FAM162A: variants seen among roughly 807,000 people sequenced by gnomAD.
FAM162A encodes the protein family with sequence similarity 162 member A.
A neutral mutation model predicts 21.8 loss-of-function variants in FAM162A; 23 were observed. The ratio of observed to expected loss-of-function variants is 1.05; its 90% CI spans 0.76 to 1.49. The LOEUF (loss-of-function observed/expected upper bound fraction) is 1.49. Ranked by LOEUF, FAM162A falls within the 40% of genes most tolerant of loss-of-function variation. The pLI, the probability that FAM162A is intolerant of heterozygous loss-of-function variation, is 0.00. For synonymous variants in FAM162A, 53 were observed against 61.3 expected (o/e 0.86, Z 0.64); for missense variants, 165 against 186.4 (o/e 0.89, Z 0.67).
At chr3:122,396,691 C>T (rs2107697791) in intron 1 of FAM162A, among the ~76,000 whole-genome samples, 1 of 152,206 alleles carries the variant, frequency 6.6e-6, no homozygotes, top group African/African-American at 2.4e-5. Flanking sequence ...ATGTTTATAA[C>T]AGTATTATTC....
intron 4 of FAM162A, chr3:122,407,712 C>T: frequency 2.5e-6 from 1 of 395,570 alleles, no homozygotes; most frequent in South Asian, 5.9e-5. Context: ...TCACCCACTG[C>T]ATATTTCCAG....
Position 122,410,182 on chromosome 3 carries a change from G to A in FAM162A, c.*351G>A, listed in dbSNP as rs772762318. 17 of 350,900 alleles carry A rather than the reference G, an allele frequency of 4.8e-5. 1 individual carries two copies. The highest frequency in any genetic ancestry group is 9.4e-5 in the Non-Finnish European group (17 of 181,740). The allele number at this position is 350,900 out of a possible 1,614,324, so 21.7% of individuals were successfully genotyped here. On this transcript the variant is annotated 3_prime_UTR_variant, in exon 5 of 5. Coordinates refer to ENST00000477892, the MANE Select transcript of FAM162A (RefSeq NM_014367.4). ...GAACTCATTTTGAGGAGATAAGGAA[G>A]GCCAGTTGAGTATATGGCCCAGGTG...
chr3:122,409,160 G>A (rs138764274), intron 4 of FAM162A, among the ~76,000 whole-genome samples: 16 of 152,146 alleles, frequency 1.1e-4, no homozygotes, highest in Middle Eastern at 3.4e-3. Flanking sequence ...AAATCTGACC[G>A]TTTACATGGA....
At chr3:122,398,104 G>A (rs539077108) in intron 1 of FAM162A, among the ~76,000 whole-genome samples, 8 of 152,316 alleles carry the variant, frequency 5.3e-5, no homozygotes, top group East Asian at 3.9e-4. Flanking sequence ...AAAATGCAAC[G>A]TAAGGAAGTG....
At chr3:122,404,945 G>A (rs374724494) in intron 3 of FAM162A, among the ~76,000 whole-genome samples, 60 of 152,284 alleles carry the variant, frequency 3.9e-4, no homozygotes, top group African/African-American at 1.3e-3. Context: ...GCAGGGGGGT[G>A]TCCTATTTGT....
intron 1 of FAM162A, among the ~76,000 whole-genome samples, chr3:122,389,545 A>G (rs1199649902): frequency 2.0e-5 from 3 of 152,224 alleles, no homozygotes; most frequent in African/African-American, 7.2e-5. Flanking sequence ...TATGTAGAGA[A>G]CTGTTCATTG....
intron 3 of FAM162A, 42 bp from the exon 4 acceptor site, chr3:122,407,239 A>AGCAACTTCAG: frequency 6.4e-7 from 1 of 1,553,576 alleles, no homozygotes; most frequent in South Asian, 1.1e-5. Flanking sequence ...TCAGAAAGGG[A>AGCAACTTCAG]AAAGTTAATA....
chr3:122,384,348 T>C lies in FAM162A; in HGVS notation c.34+49T>C, dbSNP rs764292151. On this transcript the variant is annotated intron_variant, in intron 1 of 4. Transcript: ENST00000477892. The stretch of plus-strand genomic sequence containing the variant: ...GAGGTAGGGGAGCTGGCCCGGCCGC[T>C]GCGGGTGGGGGAATCCTGAAGCCTT... 6 of 1,554,630 alleles carry C rather than the reference T, an allele frequency of 3.9e-6. No homozygotes were observed. The African/African-American group carries it at 6.8e-5, about 18-fold the overall frequency.
chr3:122,385,735 C>T (rs1250382522), intron 1 of FAM162A, among the ~76,000 whole-genome samples: 4 of 152,184 alleles, frequency 2.6e-5, no homozygotes, highest in African/African-American at 4.8e-5. Flanking sequence ...ATTTATTTTA[C>T]TTCAGATATA....
chr3:122,407,018 TCTTGA>T (rs1352878357), intron 3 of FAM162A, among the ~76,000 whole-genome samples: 1 of 151,716 alleles, frequency 6.6e-6, no homozygotes, highest in African/African-American at 2.4e-5. Flanking sequence ...TTGGCTTTGT[TCTTGA>T]CTTCTCTTTT....
chr3:122,384,379 G>A, intron 1 of FAM162A, 80 bp downstream of exon 1: 6 of 1,485,256 alleles, frequency 4.0e-6, no homozygotes, highest in African/African-American at 1.4e-5. Flanking sequence ...GCCTTCCTGG[G>A]CCCCGGAGTG....
intron 4 of FAM162A, among the ~76,000 whole-genome samples, chr3:122,409,094 T>C (rs2075691753): frequency 6.6e-6 from 1 of 151,474 alleles, no homozygotes; most frequent in Non-Finnish European, 1.5e-5. Context: ...CTTAGGGTGC[T>C]AGTTTCACTA....
At chr3:122,396,978 A>T (rs1467864613) in intron 1 of FAM162A, among the ~76,000 whole-genome samples, 1 of 152,106 alleles carries the variant, frequency 6.6e-6, no homozygotes, top group African/African-American at 2.4e-5. Context: ...ATGACTGCTA[A>T]TGTATTCAGG....
intron 1 of FAM162A, among the ~76,000 whole-genome samples, chr3:122,393,264 A>G (rs1329153510): frequency 6.6e-6 from 1 of 152,116 alleles, no homozygotes; most frequent in Non-Finnish European, 1.5e-5. Flanking sequence ...CCCAAAAGCA[A>G]TGATAACACT....
intron 1 of FAM162A, among the ~76,000 whole-genome samples, chr3:122,387,724 G>A (rs963641882): frequency 1.3e-5 from 2 of 152,174 alleles, no homozygotes; most frequent in Non-Finnish European, 2.9e-5. Flanking sequence ...GATGCCCTGT[G>A]TGTATACTGT....
At chr3:122,398,928 C>T (rs910751712) in intron 1 of FAM162A, among the ~76,000 whole-genome samples, 1 of 152,020 alleles carries the variant, frequency 6.6e-6, no homozygotes, top group African/African-American at 2.4e-5. Flanking sequence ...TTAGGTTAAA[C>T]GATATTTTTA....
intron 3 of FAM162A, 33 bp from the exon 4 acceptor site, chr3:122,407,248 T>TA (rs759633819): frequency 6.3e-7 from 1 of 1,584,438 alleles, no homozygotes; most frequent in Admixed American, 1.7e-5. Context: ...GAAAAGTTAA[T>TA]AACTTTCTCT....
In FAM162A at chr3:122,410,108, T is replaced by C; in HGVS notation, c.*277T>C. 2.5e-6 allele frequency: 1 copy of C among 407,396 alleles called. No individual in the cohort carries two copies. The highest frequency in any genetic ancestry group is 2.1e-5 in the South Asian group (1 of 47,364). 25.2% of individuals were successfully genotyped at this position (407,396 alleles called of 1,614,324 possible). ...AATACCAACTCTTCAGAGAAGCAGGTACCATATCTTACTTCTCTTCCCATT... is the reference window on the plus strand; with the variant it reads ...AATACCAACTCTTCAGAGAAGCAGGCACCATATCTTACTTCTCTTCCCATT... On this transcript the variant is annotated 3_prime_UTR_variant, in exon 5 of 5. Transcript: ENST00000477892.
At position 122,402,854 on chromosome 3, in the gene FAM162A, A is replaced by T; in HGVS notation, c.129A>T (p.Lys43Asn). 1 of 1,606,010 alleles carries T rather than the reference A, an allele frequency of 6.2e-7. No individual in the cohort carries two copies. Among genetic ancestry groups the T allele is most frequent in the Non-Finnish European group, 8.5e-7 (1 of 1,176,874 alleles). Residue 43 changes from lysine (K) to asparagine (N), a missense_variant, in exon 2 of 5, where the codon AAA becomes AAT. Physicochemically the swap from Lys to Asn is moderately conservative, Grantham distance 94 (BLOSUM62 0). Coordinates refer to ENST00000477892, the MANE Select transcript of FAM162A (RefSeq NM_014367.4). ...DLKRINGFCT[K>N]PQESPGAPSR... ...AGAGAATAAATGGATTTTGCACAAAACCACAGGAAAGTCCCGGAGCTCCAT... is the reference window on the plus strand; with the variant it reads ...AGAGAATAAATGGATTTTGCACAAATCCACAGGAAAGTCCCGGAGCTCCAT...
Sources: gnomAD v4.1 joint callset for allele counts (sites outside exome capture counted in the v4.1 genomes callset) on GRCh38, gnomAD v4.1.1 for gene constraint, MANE v1.5 for transcripts, NCBI Gene and HGNC (gene_info 2026-07-23, HGNC 2026-07-21) for gene names.